The following LRRTM4 variants were observed in gnomAD, a reference collection of about 807,000 sequenced individuals.
LRRTM4 encodes leucine-rich repeat transmembrane neuronal protein 4.
LRRTM4 carries 25 observed loss-of-function variants against 47.6 expected under a neutral mutation model. The ratio of observed to expected loss-of-function variants is 0.53; its 90% CI spans 0.38 to 0.73. The LOEUF (loss-of-function observed/expected upper bound fraction) is 0.73, where lower values mean the gene tolerates loss of function less well. LRRTM4 is among the 30% of genes least tolerant of loss of function. The pLI, the probability that LRRTM4 is intolerant of heterozygous loss-of-function variation, is 0.00. For missense variants in LRRTM4, 638 were observed against 713.4 expected (o/e 0.89, Z 1.20); for synonymous variants, 311 against 269.5 (o/e 1.15, Z -1.51).
chr2:77,468,608 G>A (rs1677070991), intron 3 of LRRTM4, among the ~76,000 whole-genome samples: 1 of 152,200 alleles, frequency 6.6e-6, no homozygotes, highest in South Asian at 2.1e-4. Context: ...GCAGCACGGT[G>A]AATGCCAGCA....
intron 3 of LRRTM4, among the ~76,000 whole-genome samples, chr2:77,217,773 T>G (rs1674501344): frequency 6.6e-6 from 1 of 152,024 alleles, no homozygotes; most frequent in African/African-American, 2.4e-5. Flanking sequence ...TTTGCCAATC[T>G]CATTTTGATG....
intron 3 of LRRTM4, among the ~76,000 whole-genome samples, chr2:77,048,186 CATG>C (rs1463033847): frequency 6.6e-6 from 1 of 151,746 alleles, no homozygotes; most frequent in Non-Finnish European, 1.5e-5. Context: ...ACAAAATAAT[CATG>C]ATTTTATAAT....
chr2:77,411,554 G>A (rs1256661318), intron 3 of LRRTM4, among the ~76,000 whole-genome samples: 2 of 140,682 alleles, frequency 1.4e-5, no homozygotes, highest in Non-Finnish European at 1.5e-5. Flanking sequence ...CCGGGTTCAC[G>A]CCATTCTCCT....
chr2:76,979,541 G>GTATGTATATATATATATATATATA (rs1676527975), intron 3 of LRRTM4, among the ~76,000 whole-genome samples: 1 of 126,904 alleles, frequency 7.9e-6, no homozygotes, highest in African/African-American at 3.4e-5. Context: ...CTGAATTTCT[G>GTATGTATATATATATATATATATA]TATATATATA....
intron 3 of LRRTM4, among the ~76,000 whole-genome samples, chr2:77,252,282 C>A (rs756557688): frequency 6.6e-6 from 1 of 152,124 alleles, no homozygotes; most frequent in African/African-American, 2.4e-5. Context: ...GTATAGGGAT[C>A]CTGCATTGGC....
intron 3 of LRRTM4, among the ~76,000 whole-genome samples, chr2:77,514,799 T>A (rs1679147539): frequency 6.6e-6 from 1 of 151,928 alleles, no homozygotes; most frequent in Non-Finnish European, 1.5e-5. Context: ...TAAAGGCCGC[T>A]GCTACTTTCA....
chr2:77,042,759 T>C (rs1229762583), intron 3 of LRRTM4, among the ~76,000 whole-genome samples: 1 of 151,762 alleles, frequency 6.6e-6, no homozygotes, highest in Non-Finnish European at 1.5e-5. Context: ...TTTCCAGTGC[T>C]AGAACTGTGA....
intron 3 of LRRTM4, among the ~76,000 whole-genome samples, chr2:76,797,976 G>C (rs1240467284): frequency 6.8e-6 from 1 of 148,020 alleles, no homozygotes; most frequent in African/African-American, 2.5e-5. Context: ...CAAGTCCTGA[G>C]TGACCTACAA....
chr2:77,386,966 C>T (rs1673304293), intron 3 of LRRTM4, among the ~76,000 whole-genome samples: 1 of 152,100 alleles, frequency 6.6e-6, no homozygotes, highest in South Asian at 2.1e-4. Flanking sequence ...TTGGTTATTA[C>T]ATTCACTCAA....
chr2:76,966,955 G>A (rs183424826), intron 3 of LRRTM4, among the ~76,000 whole-genome samples: 5 of 150,806 alleles, frequency 3.3e-5, no homozygotes, highest in Admixed American at 2.0e-4. Flanking sequence ...TTTTATTCTC[G>A]CATATTTTCT....
chr2:77,059,282 C>G (rs1390847195), intron 3 of LRRTM4, among the ~76,000 whole-genome samples: 2 of 152,094 alleles, frequency 1.3e-5, no homozygotes, highest in African/African-American at 4.8e-5. Flanking sequence ...TTTGGAAGGC[C>G]ATTTGTCTTT....
chr2:77,014,282 A>C (rs1265994484), intron 3 of LRRTM4, among the ~76,000 whole-genome samples: 1 of 152,162 alleles, frequency 6.6e-6, no homozygotes. Flanking sequence ...GAGCACATAC[A>C]TATTAGAATA....
At chr2:77,051,064 T>C (rs1237033837) in intron 3 of LRRTM4, among the ~76,000 whole-genome samples, 1 of 152,004 alleles carries the variant, frequency 6.6e-6, no homozygotes, top group African/African-American at 2.4e-5. Context: ...GCAACGGTTC[T>C]TCATTCTGGG....
rs558367994 is a variant in LRRTM4, at chr2:77,175,879, G to C, written c.1551+342439C>G. On this transcript the variant is annotated intron_variant, in intron 3 of 3. Transcript: ENST00000409884. ...TTACCATGTTGGCCAGGCTGGTCTCGAACTCCTGACCTCAAGTGATCTGCC... is the reference window on the plus strand; with the variant it reads ...TTACCATGTTGGCCAGGCTGGTCTCCAACTCCTGACCTCAAGTGATCTGCC... Among the ~76,000 whole-genome samples the C allele has an allele frequency of 1.6e-4, 24 of 151,914 alleles. No individual in the cohort carries two copies. In the East Asian group the frequency reaches 4.5e-3, roughly 28 times the overall value.
chr2:77,114,353 G>A lies in LRRTM4; in HGVS notation c.1552-365437C>T, dbSNP rs79755286. Among the ~76,000 whole-genome samples the A allele has an allele frequency of 6.7e-3, 1,022 of 152,172 alleles. 16 individuals are homozygous for A. Among genetic ancestry groups the A allele is most frequent in the East Asian group, 0.05 (259 of 5,176 alleles). ...TGAATACGGTAACATATTTTCCATCGGTACCCGAATACCTCCTTGTTTTAA... is the reference window on the plus strand; with the variant it reads ...TGAATACGGTAACATATTTTCCATCAGTACCCGAATACCTCCTTGTTTTAA... On this transcript the variant is annotated intron_variant, in intron 3 of 3. Transcript: ENST00000409884.
chr2:76,810,229 C>G (rs867362438), intron 3 of LRRTM4, among the ~76,000 whole-genome samples: 1 of 152,044 alleles, frequency 6.6e-6, no homozygotes, highest in Non-Finnish European at 1.5e-5. Context: ...TTTGTTTTTT[C>G]TTGTAAGTGA....
At chr2:76,874,782 A>AT (rs992675679) in intron 3 of LRRTM4, among the ~76,000 whole-genome samples, 8 of 151,864 alleles carry the variant, frequency 5.3e-5, no homozygotes, top group East Asian at 1.9e-4. Context: ...GACCCTGGCT[A>AT]TTTTTTTGGA....
chr2:76,848,744 A>C (rs1035584649), intron 3 of LRRTM4, among the ~76,000 whole-genome samples: 4 of 152,152 alleles, frequency 2.6e-5, no homozygotes, highest in Non-Finnish European at 5.9e-5. Context: ...AAGAAAAAAA[A>C]GTTTCTCTGA....
At chr2:77,052,093 A>G (rs946277404) in intron 3 of LRRTM4, among the ~76,000 whole-genome samples, 5 of 151,816 alleles carry the variant, frequency 3.3e-5, no homozygotes, top group Non-Finnish European at 7.4e-5. Context: ...GAAAAAACAA[A>G]GGAATACAAA....
Sources: allele counts gnomAD v4.1 joint callset (sites outside exome capture counted in the v4.1 genomes callset), GRCh38; gene constraint gnomAD v4.1.1; transcripts MANE v1.5; gene names NCBI Gene and HGNC (gene_info 2026-07-23, HGNC 2026-07-21).